The following GAS7 variants were observed in gnomAD, a reference collection of about 807,000 sequenced individuals.
The protein encoded by GAS7 is growth arrest specific 7.
GAS7 carries 28 observed loss-of-function variants against 71.1 expected under a neutral mutation model. That is an observed-to-expected ratio of 0.39 (90% confidence interval 0.29 to 0.54). GAS7 has a LOEUF of 0.54. GAS7 is among the 20% of genes least tolerant of loss of function. The pLI, the probability that GAS7 is intolerant of heterozygous loss-of-function variation, is 0.62. For synonymous variants in GAS7, 258 were observed against 245.8 expected, an observed-to-expected ratio of 1.05 and a Z score of -0.46; for missense variants, 436 against 627.8, an observed-to-expected ratio of 0.69 and a Z score of 3.27.
chr17:9,927,865 G>T (rs913203503), intron 9 of GAS7, among the ~76,000 whole-genome samples: 14 of 152,110 alleles, frequency 9.2e-5, no homozygotes, highest in African/African-American at 3.4e-4. Context: ...CAACTGTCCC[G>T]CATTGCGCTC....
At chr17:10,173,714 G>C (rs2142134080) in intron 1 of GAS7, among the ~76,000 whole-genome samples, 1 of 151,858 alleles carries the variant, frequency 6.6e-6, no homozygotes, top group African/African-American at 2.4e-5. Flanking sequence ...CTTGTAGTGA[G>C]CCGAGATCGT....
intron 1 of GAS7, among the ~76,000 whole-genome samples, chr17:10,091,700 G>C (rs2073583667): frequency 6.6e-6 from 1 of 151,976 alleles, no homozygotes; most frequent in Admixed American, 6.6e-5. Flanking sequence ...TTTTGTTTTT[G>C]AGACAGAGTC....
chr17:10,136,379 C>T (rs961929673), intron 1 of GAS7, among the ~76,000 whole-genome samples: 5 of 152,152 alleles, frequency 3.3e-5, no homozygotes, highest in Non-Finnish European at 4.4e-5. Flanking sequence ...TGGAGAGTTG[C>T]TGGGGCTAAG....
intron 1 of GAS7, among the ~76,000 whole-genome samples, chr17:10,150,714 G>A (rs920737715): frequency 4.7e-5 from 7 of 149,904 alleles, no homozygotes; most frequent in Admixed American, 1.3e-4. Context: ...TCAGCCTCCC[G>A]AGTAGCTGGG....
At chr17:10,183,905 TG>T (rs1255326259) in intron 1 of GAS7, among the ~76,000 whole-genome samples, 1 of 151,484 alleles carries the variant, frequency 6.6e-6, no homozygotes, top group Non-Finnish European at 1.5e-5. Context: ...GGGGCTGAGC[TG>T]GGATTTGTAC....
At chr17:10,092,405 G>C (rs111630916) in intron 1 of GAS7, among the ~76,000 whole-genome samples, 2 of 152,230 alleles carry the variant, frequency 1.3e-5, no homozygotes, top group South Asian at 4.1e-4. Flanking sequence ...GGCAGGGACT[G>C]TGTTAGAAAT....
chr17:10,134,698 A>G (rs544540497), intron 1 of GAS7, among the ~76,000 whole-genome samples: 27 of 152,232 alleles, frequency 1.8e-4, no homozygotes, highest in African/African-American at 6.3e-4. Flanking sequence ...ATGTGGTAGG[A>G]TGGAAGAAAA....
At chr17:9,958,698 T>C (rs528496868) in intron 5 of GAS7, among the ~76,000 whole-genome samples, 1 of 152,324 alleles carries the variant, frequency 6.6e-6, no homozygotes, top group African/African-American at 2.4e-5. Flanking sequence ...GGGTTGGGCA[T>C]CTCGAAGCGC....
chr17:9,998,012 G>A (rs1347863307), intron 2 of GAS7, among the ~76,000 whole-genome samples: 1 of 152,226 alleles, frequency 6.6e-6, no homozygotes, highest in African/African-American at 2.4e-5. Context: ...GGGGGCTTCA[G>A]TACATAGACA....
intron 2 of GAS7, among the ~76,000 whole-genome samples, chr17:9,998,719 A>G (rs1197191223): frequency 6.6e-6 from 1 of 151,638 alleles, no homozygotes; most frequent in Non-Finnish European, 1.5e-5. Flanking sequence ...GAAGGGAAGG[A>G]AAAGAAGTAG....
intron 1 of GAS7, among the ~76,000 whole-genome samples, chr17:10,125,212 T>C (rs2073935370): frequency 6.6e-6 from 1 of 151,870 alleles, no homozygotes; most frequent in African/African-American, 2.4e-5. Flanking sequence ...TCTGAGAATA[T>C]TAAATTTAAA....
At chr17:9,943,052 C>A (rs569144429) in intron 7 of GAS7, 69 bp downstream of exon 7, 6 of 975,546 alleles carry the variant, frequency 6.2e-6, no homozygotes, top group Non-Finnish European at 9.9e-6. Flanking sequence ...GCTGTCGCCC[C>A]GCCCCGGCCA....
chr17:10,147,889 C>T (rs1445635646), intron 1 of GAS7, among the ~76,000 whole-genome samples: 1 of 152,134 alleles, frequency 6.6e-6, no homozygotes, highest in Non-Finnish European at 1.5e-5. Flanking sequence ...AACTCCAAGT[C>T]AAAAGGTCTG....
At chr17:10,059,962 CT>C (rs2073201453) in intron 1 of GAS7, 5 of 249,216 alleles carry the variant, frequency 2.0e-5, no homozygotes, top group Non-Finnish European at 2.5e-5. Flanking sequence ...CCCTTTCCCC[CT>C]GAGGGTGGGT....
intron 1 of GAS7, among the ~76,000 whole-genome samples, chr17:10,038,590 T>G (rs1409957923): frequency 3.3e-5 from 5 of 152,150 alleles, no homozygotes; most frequent in African/African-American, 7.2e-5. Flanking sequence ...AGGGTCTTGC[T>G]GCCTGTTCAT....
chr17:10,184,552 G>C (rs1417930112), intron 1 of GAS7, among the ~76,000 whole-genome samples: 5 of 152,166 alleles, frequency 3.3e-5, no homozygotes, highest in African/African-American at 1.2e-4. Context: ...CAAATGCCTT[G>C]CTACTCAAAT....
chr17:9,958,870 A>G (rs2069357378), intron 5 of GAS7: 2 of 596,890 alleles, frequency 3.4e-6, no homozygotes, highest in Non-Finnish European at 4.7e-6. Flanking sequence ...TTTACACGTC[A>G]CATCACTTGC....
rs562758370 is a variant in GAS7 at position 9,912,221 on chromosome 17, C to T, written c.*5007G>A. 130 of 232,862 alleles carry T rather than the reference C, an allele frequency of 5.6e-4. No individual in the cohort carries two copies. The highest frequency in any genetic ancestry group is 1.3e-3 in the Middle Eastern group (1 of 780). 14.4% of individuals were successfully genotyped at this position (232,862 alleles called of 1,614,324 possible). ...TTTGAATCTAAATGGAAAAGTACCA[C>T]GGCATCTCTCTCACCAGGACTTGAG... is the stretch of plus-strand genomic sequence containing the variant. On this transcript the variant is annotated 3_prime_UTR_variant, in exon 14 of 14. Coordinates refer to ENST00000432992, the MANE Select transcript of GAS7 (RefSeq NM_201433.2).
Position 9,976,412 on chromosome 17 carries a change from C to T in GAS7, c.385+5392G>A, listed in dbSNP as rs544516356. ...CTTTGAACCTGAGACTGGCTAATTT[C>T]GCAAGAAGCGAGGGTCTTCCTTTGC... On this transcript the variant is annotated intron_variant, in intron 3 of 13. Coordinates refer to ENST00000432992, the MANE Select transcript of GAS7 (RefSeq NM_201433.2). 6.6e-5 allele frequency among the ~76,000 whole-genome samples: 10 copies of T among 152,308 alleles called. No homozygotes were observed. The East Asian group carries it at 1.5e-3, about 24-fold the overall frequency.
Sources: gnomAD v4.1 joint callset for allele counts (sites outside exome capture counted in the v4.1 genomes callset) on GRCh38, gnomAD v4.1.1 for gene constraint, MANE v1.5 for transcripts, NCBI Gene and HGNC (gene_info 2026-07-23, HGNC 2026-07-21) for gene names.